DOCK2: variants seen among roughly 807,000 people sequenced by gnomAD.
DOCK2 encodes the protein dedicator of cytokinesis 2.
In DOCK2, 87 loss-of-function variants were observed where a neutral mutation model predicts 248.9. That is an observed-to-expected ratio of 0.35 (90% CI 0.29 to 0.42). The LOEUF (loss-of-function observed/expected upper bound fraction) is 0.42, where lower values mean the gene tolerates loss of function less well. DOCK2 is among the 10% of genes least tolerant of loss of function. The probability of loss-of-function intolerance (pLI) is 1.00; values close to 1 mark genes in which losing one functional copy is unlikely to be tolerated. For synonymous variants in DOCK2, 805 were observed against 821.6 expected, an observed-to-expected ratio of 0.98 and a Z score of 0.35; for missense variants, 1,747 against 2,300.2, an observed-to-expected ratio of 0.76 and a Z score of 4.92.
In DOCK2 at chr5:169,747,382, G is replaced by A; in HGVS notation, c.2268-14G>A. ...TGTTAGCTTGAGAAATGACCCAGAT[G>A]TATCTTGTTTCAGGCTTTATGAAGG... is the stretch of plus-strand genomic sequence containing the variant. On this transcript the variant is annotated splice_polypyrimidine_tract_variant and intron_variant, in intron 22 of 51. Coordinates refer to ENST00000520908, the MANE Select transcript of DOCK2 (RefSeq NM_004946.3). 1 of 1,607,292 alleles carries A rather than the reference G, an allele frequency of 6.2e-7. No individual in the cohort carries two copies. Among genetic ancestry groups the A allele is most frequent in the South Asian group, 1.1e-5 (1 of 89,892 alleles).
chr5:169,926,543 G>A (rs79118534), intron 27 of DOCK2, among the ~76,000 whole-genome samples: 249 of 152,278 alleles, frequency 1.6e-3, no homozygotes, highest in African/African-American at 5.7e-3. Context: ...TCTGGGTGCC[G>A]CATGAGGCTG....
intron 22 of DOCK2, among the ~76,000 whole-genome samples, chr5:169,729,079 G>T (rs1423453866): frequency 6.6e-6 from 1 of 152,226 alleles, no homozygotes; most frequent in Non-Finnish European, 1.5e-5. Context: ...GAGGCTGACA[G>T]TTGCTCAGAG....
intron 25 of DOCK2, among the ~76,000 whole-genome samples, chr5:169,784,138 T>TC (rs1168789587): frequency 3.4e-5 from 5 of 148,542 alleles, no homozygotes; most frequent in South Asian, 2.1e-4. Flanking sequence ...TTTTTTTTTT[T>TC]CTCAACACAA....
chr5:170,053,152 C>A lies in DOCK2; in HGVS notation c.4214-2153C>A, dbSNP rs574310265. Among the ~76,000 whole-genome samples the A allele has an allele frequency of 3.9e-5, 6 of 152,374 alleles. No individual in the cohort carries two copies. In the East Asian group the frequency reaches 9.6e-4, roughly 24 times the overall value. On this transcript the variant is annotated intron_variant, in intron 41 of 51. Transcript: ENST00000520908. ...TGGCATAACAACCTCACCAGCCATC[C>A]TCCTGGTACAACTTCAGGGGACTTG...
intron 25 of DOCK2, among the ~76,000 whole-genome samples, chr5:169,778,730 G>T (rs545767133): frequency 6.6e-5 from 10 of 152,316 alleles, no homozygotes; most frequent in Admixed American, 2.0e-4. Flanking sequence ...GCAACCAGCT[G>T]CCCAGAGATA....
In DOCK2 at chr5:169,769,865, A is replaced by G. The variant is rs571532865; in HGVS notation, c.2554+8240A>G. On this transcript the variant is annotated intron_variant, in intron 25 of 51. Coordinates refer to ENST00000520908, the MANE Select transcript of DOCK2 (RefSeq NM_004946.3). ...CATTCTAGCATTCTCTGTTTATGGG[A>G]CTGTCTATACTGATGGAATGAACTC... Among the ~76,000 whole-genome samples the G allele has an allele frequency of 2.0e-4, 30 of 152,318 alleles. 1 individual carries two copies. In the East Asian group the frequency reaches 5.8e-3, roughly 29 times the overall value.
intron 22 of DOCK2, among the ~76,000 whole-genome samples, chr5:169,728,939 A>G (rs1762625327): frequency 6.6e-6 from 1 of 152,176 alleles, no homozygotes; most frequent in Non-Finnish European, 1.5e-5. Context: ...GAGGACACAG[A>G]TATTCATTCT....
chr5:170,045,648 C>G (rs924970626), intron 38 of DOCK2, among the ~76,000 whole-genome samples, 168 bp from the exon 39 acceptor site: 1 of 152,088 alleles, frequency 6.6e-6, no homozygotes, highest in African/African-American at 2.4e-5. Flanking sequence ...AGAGGAAGGT[C>G]GTCCTCTCTA....
intron 22 of DOCK2, among the ~76,000 whole-genome samples, chr5:169,719,499 G>T (rs73798760): frequency 0.043 from 6,507 of 152,258 alleles, 194 homozygotes; most frequent in African/African-American, 0.079. Flanking sequence ...CAAAGAACAC[G>T]CAACTGAAAC....
At chr5:169,945,287 A>G (rs770361236) in intron 27 of DOCK2, among the ~76,000 whole-genome samples, 2 of 152,270 alleles carry the variant, frequency 1.3e-5, no homozygotes, top group Non-Finnish European at 2.9e-5. Flanking sequence ...ACGCCTTAGC[A>G]GGCATATACC....
chr5:169,783,028 C>A (rs1475372297), intron 25 of DOCK2, among the ~76,000 whole-genome samples: 2 of 152,106 alleles, frequency 1.3e-5, no homozygotes, highest in Non-Finnish European at 2.9e-5. Flanking sequence ...AAGGAGCTTG[C>A]CTTTATTTGC....
intron 27 of DOCK2, among the ~76,000 whole-genome samples, chr5:169,847,522 A>G (rs1029898480): frequency 2.0e-5 from 3 of 152,250 alleles, no homozygotes; most frequent in Non-Finnish European, 2.9e-5. Flanking sequence ...CTTTCTGCAG[A>G]TAATTGGCTA....
At chr5:169,954,220 T>C (rs546428865) in intron 27 of DOCK2, among the ~76,000 whole-genome samples, 13 of 152,380 alleles carry the variant, frequency 8.5e-5, no homozygotes, top group African/African-American at 3.1e-4. Flanking sequence ...GACTAACTCA[T>C]GGCTATGAAG....
At chr5:169,965,829 T>G (rs895785116) in intron 27 of DOCK2, among the ~76,000 whole-genome samples, 1 of 152,190 alleles carries the variant, frequency 6.6e-6, no homozygotes, top group Admixed American at 6.5e-5. Context: ...CCCAAAATCA[T>G]TTAACTCATT....
intron 12 of DOCK2, 101 bp from the exon 13 acceptor site, chr5:169,699,913 C>A: frequency 6.5e-7 from 1 of 1,539,348 alleles, no homozygotes; most frequent in South Asian, 1.2e-5. Context: ...TGACTCTGTT[C>A]CCAGTGATCT....
chr5:169,905,325 CTG>C (rs1774219096), intron 27 of DOCK2, among the ~76,000 whole-genome samples: 1 of 149,374 alleles, frequency 6.7e-6, no homozygotes, highest in Non-Finnish European at 1.5e-5. Context: ...AGCCAGAACT[CTG>C]TGTTAAATAT....
intron 25 of DOCK2, among the ~76,000 whole-genome samples, chr5:169,793,766 CCT>C (rs1489219659): frequency 7.9e-5 from 12 of 152,172 alleles, no homozygotes; most frequent in African/African-American, 2.9e-4. Flanking sequence ...ACATTAAACC[CCT>C]GTTTCCTGCA....
intron 23 of DOCK2, among the ~76,000 whole-genome samples, chr5:169,751,971 A>G (rs574484272): frequency 7.0e-6 from 1 of 143,422 alleles, no homozygotes; most frequent in African/African-American, 2.9e-5. Flanking sequence ...GAATCCATCC[A>G]GGTCATCTGC....
rs147399381 is a variant in DOCK2, at chr5:169,700,762, A to C, written c.1258+623A>C. Among the ~76,000 whole-genome samples the C allele has an allele frequency of 5.4e-3, 818 of 152,278 alleles. 9 individuals are homozygous for C. The highest frequency in any genetic ancestry group is 0.019 in the African/African-American group (791 of 41,556). The stretch of plus-strand genomic sequence containing the variant: ...TTCCTGCACCAGCCCCCAACAAACC[A>C]GACTGAAAATCAAAATGGAGTCAGC... On this transcript the variant is annotated intron_variant, in intron 13 of 51. Transcript: ENST00000520908.
Sources: allele counts gnomAD v4.1 joint callset (sites outside exome capture counted in the v4.1 genomes callset), GRCh38; gene constraint gnomAD v4.1.1; transcripts MANE v1.5; gene names NCBI Gene and HGNC (gene_info 2026-07-23, HGNC 2026-07-21).